The following CAMK1D variants were observed in gnomAD, a reference collection of about 807,000 sequenced individuals.
CAMK1D encodes the protein calcium/calmodulin-dependent protein kinase type 1D.
Under a neutral mutation model 47.7 loss-of-function variants are expected in CAMK1D, and 9 were observed. That is an observed-to-expected ratio of 0.19 (90% confidence interval 0.11 to 0.33). The LOEUF (loss-of-function observed/expected upper bound fraction) is 0.33, where lower values mean the gene tolerates loss of function less well. Among genes scored for constraint, CAMK1D ranks in the 10% least tolerant of loss-of-function variants. The pLI, the probability that CAMK1D is intolerant of heterozygous loss-of-function variation, is 1.00. For missense variants in CAMK1D, 291 were observed against 488.7 expected (o/e 0.60, Z 3.81); for synonymous variants, 184 against 184.9 (o/e 0.99, Z 0.04).
chr10:12,607,591 C>G (rs954784893), intron 2 of CAMK1D, among the ~76,000 whole-genome samples: 1 of 152,204 alleles, frequency 6.6e-6, no homozygotes, highest in Non-Finnish European at 1.5e-5. Context: ...GGATCTAAAA[C>G]AAGTAACAAC....
At chr10:12,391,579 A>G (rs1185953038) in intron 1 of CAMK1D, among the ~76,000 whole-genome samples, 3 of 152,224 alleles carry the variant, frequency 2.0e-5, no homozygotes, top group Non-Finnish European at 2.9e-5. Flanking sequence ...TTAAACTGGC[A>G]TGAATAAAAT....
At chr10:12,387,408 T>C (rs1438881836) in intron 1 of CAMK1D, among the ~76,000 whole-genome samples, 9 of 45,460 alleles carry the variant, frequency 2.0e-4, no homozygotes, top group African/African-American at 4.0e-4. Flanking sequence ...TTTTATATAT[T>C]ATATATATTT....
Position 12,591,616 on chromosome 10 carries a change from A to C in CAMK1D, c.224+38260A>C, listed in dbSNP as rs1360401196. On this transcript the variant is annotated intron_variant, in intron 2 of 10. Transcript: ENST00000619168. ...TCCACGTAGGGAAAGACCCAGGAAGAAGCCCGGCCCTGCTCACTTGACTGT... is the reference window on the plus strand; with the variant it reads ...TCCACGTAGGGAAAGACCCAGGAAGCAGCCCGGCCCTGCTCACTTGACTGT... Among the ~76,000 whole-genome samples the C allele has an allele frequency of 3.3e-5, 5 of 152,272 alleles. No homozygotes were observed. In the East Asian group the frequency reaches 9.7e-4, roughly 29 times the overall value.
At chr10:12,451,899 C>A (rs1227578080) in intron 1 of CAMK1D, among the ~76,000 whole-genome samples, 1 of 152,116 alleles carries the variant, frequency 6.6e-6, no homozygotes. Flanking sequence ...GCCGATGGGC[C>A]TTCGACCACC....
intron 6 of CAMK1D, among the ~76,000 whole-genome samples, chr10:12,812,188 C>T (rs1832633572): frequency 6.6e-6 from 1 of 152,244 alleles, no homozygotes; most frequent in African/African-American, 2.4e-5. Context: ...TGTGTGCTGA[C>T]AGCCTAATCC....
intron 3 of CAMK1D, among the ~76,000 whole-genome samples, chr10:12,687,043 T>TA (rs968679709): frequency 2.6e-5 from 4 of 152,128 alleles, no homozygotes; most frequent in African/African-American, 9.7e-5. Flanking sequence ...AATCAGAGCG[T>TA]AAAATCTTCC....
intron 1 of CAMK1D, among the ~76,000 whole-genome samples, chr10:12,459,257 G>A (rs144725660): frequency 3.7e-4 from 57 of 152,274 alleles, no homozygotes; most frequent in African/African-American, 1.1e-3. Flanking sequence ...GCAGGTGACT[G>A]TGCCCCAGCC....
intron 3 of CAMK1D, among the ~76,000 whole-genome samples, chr10:12,697,533 G>A (rs1406718641): frequency 6.6e-6 from 1 of 152,086 alleles, no homozygotes; most frequent in African/African-American, 2.4e-5. Flanking sequence ...GGAGTAGCTG[G>A]GATTACAGGT....
chr10:12,755,050 G>C (rs1836166929), intron 3 of CAMK1D, among the ~76,000 whole-genome samples: 1 of 152,184 alleles, frequency 6.6e-6, no homozygotes, highest in Non-Finnish European at 1.5e-5. Context: ...AGATGGAAAG[G>C]CGTGTGTTTA....
At chr10:12,593,974 C>T (rs980179049) in intron 2 of CAMK1D, among the ~76,000 whole-genome samples, 82 of 152,256 alleles carry the variant, frequency 5.4e-4, no homozygotes, top group African/African-American at 1.9e-3. Context: ...GTCAGGAGTT[C>T]GAGACCAGCC....
chr10:12,393,070 T>C (rs12219191), intron 1 of CAMK1D, among the ~76,000 whole-genome samples: 29,094 of 151,440 alleles, frequency 0.19, 3,499 homozygotes, highest in Middle Eastern at 0.3. Context: ...TTTGCTCTGT[T>C]GCCCAGGCTG....
At chr10:12,760,361 G>T (rs1027497170) in intron 3 of CAMK1D, among the ~76,000 whole-genome samples, 2 of 152,172 alleles carry the variant, frequency 1.3e-5, no homozygotes. Context: ...ATCACAAGTG[G>T]CTTTGAGGTT....
At position 12,506,793 on chromosome 10, in the gene CAMK1D, C is replaced by T. The variant is rs148547101; in HGVS notation, c.93-46432C>T. Reference sequence around the variant, plus strand: ...TCAGCCTCCCAAAGTGCTGGGATTACAGGCGTGAGCCACCGCGCCCGGCCT... The same window carrying T: ...TCAGCCTCCCAAAGTGCTGGGATTATAGGCGTGAGCCACCGCGCCCGGCCT... On this transcript the variant is annotated intron_variant, in intron 1 of 10. Coordinates refer to ENST00000619168, the MANE Select transcript of CAMK1D (RefSeq NM_153498.4). Among the ~76,000 whole-genome samples, 951 of 152,328 alleles carry T rather than the reference C, an allele frequency of 6.2e-3. 5 individuals carry two copies. Among genetic ancestry groups the T allele is most frequent in the Non-Finnish European group, 0.01 (714 of 68,040 alleles).
intron 3 of CAMK1D, 22 bp downstream of exon 3, chr10:12,666,832 T>C: frequency 6.2e-7 from 1 of 1,600,282 alleles, no homozygotes; most frequent in Middle Eastern, 1.7e-4. Context: ...GTTTGATTGA[T>C]GAGTTTTGAA....
intron 5 of CAMK1D, among the ~76,000 whole-genome samples, chr10:12,778,244 T>C (rs1161059863): frequency 1.3e-5 from 2 of 152,196 alleles, no homozygotes; most frequent in African/African-American, 4.8e-5. Flanking sequence ...TTAAATGAGC[T>C]CTCTAACAAT....
chr10:12,687,529 G>A (rs576206153), intron 3 of CAMK1D, among the ~76,000 whole-genome samples: 68 of 152,252 alleles, frequency 4.5e-4, no homozygotes, highest in African/African-American at 1.3e-3. Context: ...GGTGATTGGC[G>A]TCTAAATTCT....
At chr10:12,432,702 T>C (rs1010606513) in intron 1 of CAMK1D, among the ~76,000 whole-genome samples, 2 of 152,254 alleles carry the variant, frequency 1.3e-5, no homozygotes, top group Non-Finnish European at 2.9e-5. Flanking sequence ...AATGAATGAA[T>C]GAGTGAACGA....
At chr10:12,376,643 A>G (rs539894121) in intron 1 of CAMK1D, among the ~76,000 whole-genome samples, 112 of 152,266 alleles carry the variant, frequency 7.4e-4, no homozygotes, top group Non-Finnish European at 1.2e-3. Context: ...TGGAAATCAT[A>G]TTAGGCTCTG....
At chr10:12,627,645 A>AT (rs898890235) in intron 2 of CAMK1D, among the ~76,000 whole-genome samples, 42 of 151,210 alleles carry the variant, frequency 2.8e-4, no homozygotes, top group Admixed American at 8.6e-4. Flanking sequence ...CATAGAGCAC[A>AT]TTTTTTTTTG....
Sources: allele counts gnomAD v4.1 joint callset (sites outside exome capture counted in the v4.1 genomes callset), GRCh38; gene constraint gnomAD v4.1.1; transcripts MANE v1.5; gene names NCBI Gene and HGNC (gene_info 2026-07-23, HGNC 2026-07-21).